Variants in PPP1R14D observed in about 807,000 individuals in gnomAD.
PPP1R14D encodes the protein protein phosphatase 1 regulatory subunit 14D.
Under a neutral mutation model 17.1 loss-of-function variants are expected in PPP1R14D, and 14 were observed. The ratio of observed to expected loss-of-function variants is 0.82; its 90% CI spans 0.54 to 1.28. PPP1R14D has a LOEUF of 1.28. PPP1R14D is among the 50% of genes most tolerant of loss of function. PPP1R14D has a pLI of 0.00. For synonymous variants in PPP1R14D, 67 were observed against 66.1 expected (o/e 1.01, Z -0.06); for missense variants, 173 against 179.2 (o/e 0.97, Z 0.20).
chr15:40,825,517 G>A (rs1260521158), intron 1 of PPP1R14D, among the ~76,000 whole-genome samples: 1 of 152,126 alleles, frequency 6.6e-6, no homozygotes, highest in Non-Finnish European at 1.5e-5. Flanking sequence ...AGGGAGAAGA[G>A]GTAGGTCCCT....
intron 1 of PPP1R14D, among the ~76,000 whole-genome samples, chr15:40,817,688 C>T (rs1487421506): frequency 6.6e-6 from 1 of 150,572 alleles, no homozygotes; most frequent in Non-Finnish European, 1.5e-5. Flanking sequence ...GATCAAGGCT[C>T]ACTGCAGTCT....
At position 40,815,758 on chromosome 15, in the gene PPP1R14D, A is replaced by G. The variant is rs1472791428; in HGVS notation, c.376T>C (p.Phe126Leu). The G allele has an allele frequency of 3.1e-6, 5 of 1,609,182 alleles. No individual in the cohort carries two copies. Among genetic ancestry groups the G allele is most frequent in the Non-Finnish European group, 4.2e-6 (5 of 1,176,932 alleles). The change falls in exon 4 of 4, where the codon TTT (phenylalanine) becomes CTT (leucine). Residue 126 changes from phenylalanine to leucine, a missense_variant. Transcript: ENST00000299174. ...AGTTGACTGAGCAGCTCAGAGATAA[A>G]AGCCTGAGGGAGAAACAGGAGTGAG... is the stretch of plus-strand genomic sequence containing the variant. ...LGNCPRPTEA[F>L]ISELLSQLKK... is the part of the protein sequence containing the mutation.
At chr15:40,828,185 A>G (rs1194161830) in intron 1 of PPP1R14D, among the ~76,000 whole-genome samples, 1 of 152,222 alleles carries the variant, frequency 6.6e-6, no homozygotes, top group Non-Finnish European at 1.5e-5. Context: ...TCCCCAGATC[A>G]CAAAGAGCAT....
chr15:40,825,296 A>AG (rs201670696), intron 1 of PPP1R14D, among the ~76,000 whole-genome samples: 10,347 of 150,594 alleles, frequency 0.069, 902 homozygotes, highest in African/African-American at 0.21. Context: ...AAAAAAAAAA[A>AG]AAAGAAAGAA....
At chr15:40,826,893 C>T (rs1337350359) in intron 1 of PPP1R14D, among the ~76,000 whole-genome samples, 1 of 152,200 alleles carries the variant, frequency 6.6e-6, no homozygotes, top group Non-Finnish European at 1.5e-5. Context: ...GAGCCTAGCA[C>T]GTAGTTGTGT....
intron 1 of PPP1R14D, among the ~76,000 whole-genome samples, chr15:40,825,622 G>A (rs565034042): frequency 6.6e-6 from 1 of 152,294 alleles, no homozygotes; most frequent in East Asian, 1.9e-4. Context: ...GGGTATCTGG[G>A]GTAGAGCCCT....
chr15:40,815,686 T>G lies in PPP1R14D; in HGVS notation c.*10A>C, dbSNP rs776945699. The G allele has an allele frequency of 8.7e-6, 14 of 1,613,490 alleles. No homozygotes were observed. Among genetic ancestry groups the G allele is most frequent in the African/African-American group, 1.3e-5 (1 of 74,896 alleles). On this transcript the variant is annotated 3_prime_UTR_variant, in exon 4 of 4. Transcript: ENST00000299174. ...GCAGTGCTGAGGCTGCTAAAGATGG[T>G]CTCTCAGGCTTATTTCTGAGGCCGG...
chr15:40,820,489 A>G (rs1403235419), intron 1 of PPP1R14D, among the ~76,000 whole-genome samples: 1 of 152,048 alleles, frequency 6.6e-6, no homozygotes, highest in Non-Finnish European at 1.5e-5. Flanking sequence ...GCAGAGCCAG[A>G]AAAGACATAA....
At chr15:40,818,216 G>A (rs1427934280) in intron 1 of PPP1R14D, among the ~76,000 whole-genome samples, 1 of 149,830 alleles carries the variant, frequency 6.7e-6, no homozygotes, top group Non-Finnish European at 1.5e-5. Context: ...GTGAACCCGG[G>A]AGGCAGAGCT....
intron 1 of PPP1R14D, among the ~76,000 whole-genome samples, chr15:40,819,989 C>T (rs568190905): frequency 1.2e-4 from 18 of 151,880 alleles, no homozygotes; most frequent in African/African-American, 4.3e-4. Flanking sequence ...GCCTCAGCCT[C>T]CCGAGTAGCT....
rs201309340 is a variant in PPP1R14D, at chr15:40,815,800, C to T, written c.373-39G>A. On this transcript the variant is annotated intron_variant, in intron 3 of 3. Coordinates refer to ENST00000299174, the MANE Select transcript of PPP1R14D (RefSeq NM_017726.8). ...AGGAGTGAGACCAGGCTTGGGGTCACAATTCACCCCCCACCCTGCCCTCCC... is the reference window on the plus strand; with the variant it reads ...AGGAGTGAGACCAGGCTTGGGGTCATAATTCACCCCCCACCCTGCCCTCCC... 491 of 1,559,158 alleles carry T rather than the reference C, an allele frequency of 3.1e-4. 1 individual carries two copies. The African/African-American group carries it at 5.9e-3, about 19-fold the overall frequency.
At chr15:40,821,267 G>A (rs1388423611) in intron 1 of PPP1R14D, among the ~76,000 whole-genome samples, 1 of 152,118 alleles carries the variant, frequency 6.6e-6, no homozygotes, top group African/African-American at 2.4e-5. Context: ...CAAGGAGGCA[G>A]AGGTTGCAGT....
chr15:40,828,350 GC>G, intron 1 of PPP1R14D, 36 bp downstream of exon 1: 1 of 1,540,024 alleles, frequency 6.5e-7, no homozygotes. Flanking sequence ...TGGACCCCAG[GC>G]CCCCATCTCC....
At chr15:40,815,894 ACTC>A in intron 3 of PPP1R14D, 65 bp downstream of exon 3, 1 of 1,590,270 alleles carries the variant, frequency 6.3e-7, no homozygotes, top group Non-Finnish European at 8.6e-7. Flanking sequence ...CCCTTCAAAT[ACTC>A]CTCATTAGCT....
rs1454221226 is a variant in PPP1R14D at position 40,827,923 on chromosome 15, AAAAC to A, written c.255+460_255+463del. On this transcript the variant is annotated intron_variant, in intron 1 of 3. Transcript: ENST00000299174. ...TGCAACAGGGCAAGACTTTGTCTCA[AAAAC>A]AAACAAACAAACAAAAAACAAAAGA... is the stretch of plus-strand genomic sequence containing the variant. Among the ~76,000 whole-genome samples the A allele has an allele frequency of 2.8e-3, 428 of 150,976 alleles. 4 individuals are homozygous for A. Among genetic ancestry groups the A allele is most frequent in the African/African-American group, 9.5e-3 (392 of 41,096 alleles).
In PPP1R14D at chr15:40,816,366, C is replaced by T. The variant is rs187492079; in HGVS notation, c.256-113G>A. ...CCAATTTCCCATGGTTAGACTTTCT[C>T]CTCACTCAGAACACCCATTCAGTTT... On this transcript the variant is annotated intron_variant, in intron 1 of 3. Transcript: ENST00000299174. 5 of 832,524 alleles carry T rather than the reference C, an allele frequency of 6.0e-6. No individual in the cohort carries two copies. The African/African-American group carries it at 8.4e-5, about 14-fold the overall frequency. The allele number at this position is 832,524 out of a possible 1,614,324, so 51.6% of individuals were successfully genotyped here. A position where few individuals can be genotyped will look rare whatever the true frequency, so the allele number is the denominator to read the frequency against.
chr15:40,828,534 G>A lies in PPP1R14D; in HGVS notation c.108C>T (p.Asp36=). Residue 36 remains aspartate (D), a synonymous_variant, in exon 1 of 4, where the codon GAC becomes GAT. Coordinates refer to ENST00000299174, the MANE Select transcript of PPP1R14D (RefSeq NM_017726.8). ...ASGRRRTSST[D]SESKSHPDSS... Reference sequence around the variant, plus strand: ...AGTCCGGGTGGGACTTGGACTCTGAGTCTGTGGATGATGTCCTTCTCCTCC... The same window carrying A: ...AGTCCGGGTGGGACTTGGACTCTGAATCTGTGGATGATGTCCTTCTCCTCC... 6 of 1,614,254 alleles carry A rather than the reference G, an allele frequency of 3.7e-6. No individual in the cohort carries two copies. Among genetic ancestry groups the A allele is most frequent in the Non-Finnish European group, 5.1e-6 (6 of 1,180,048 alleles).
chr15:40,821,974 C>T (rs1398688961), intron 1 of PPP1R14D, among the ~76,000 whole-genome samples: 2 of 151,214 alleles, frequency 1.3e-5, no homozygotes, highest in Non-Finnish European at 2.9e-5. Context: ...TAGAACTTTG[C>T]CTTTAAAAAA....
intron 1 of PPP1R14D, among the ~76,000 whole-genome samples, chr15:40,825,648 G>A (rs1890858192): frequency 6.6e-6 from 1 of 152,200 alleles, no homozygotes; most frequent in Admixed American, 6.5e-5. Context: ...GTGGGCAGGG[G>A]CTCTCCGTAA....
Sources: allele counts gnomAD v4.1 joint callset (sites outside exome capture counted in the v4.1 genomes callset), GRCh38; gene constraint gnomAD v4.1.1; transcripts MANE v1.5; gene names NCBI Gene and HGNC (gene_info 2026-07-23, HGNC 2026-07-21).